Variants in MUC15 observed in about 807,000 individuals in gnomAD.
The protein encoded by MUC15 is mucin 15, cell surface associated.
MUC15 carries 23 observed loss-of-function variants against 24.0 expected under a neutral mutation model. The observed-to-expected ratio is 0.96, with a 90% CI of 0.69 to 1.36. The LOEUF (loss-of-function observed/expected upper bound fraction) is 1.36, where lower values mean the gene tolerates loss of function less well. Among genes scored for constraint, MUC15 ranks in the 40% most tolerant of loss-of-function variants. MUC15 has a pLI of 0.00. For synonymous variants in MUC15, 151 were observed against 156.3 expected (o/e 0.97, Z 0.25); for missense variants, 442 against 428.2 (o/e 1.03, Z -0.29).
chr11:26,563,861 T>A (rs1565107816), intron 3 of MUC15, among the ~76,000 whole-genome samples: 1 of 151,822 alleles, frequency 6.6e-6, no homozygotes, highest in Non-Finnish European at 1.5e-5. Context: ...TTACGGGAGT[T>A]CAAAATTTCA....
intron 1 of MUC15, among the ~76,000 whole-genome samples, chr11:26,567,442 G>T (rs1428052527): frequency 6.6e-6 from 1 of 151,774 alleles, no homozygotes; most frequent in Non-Finnish European, 1.5e-5. Flanking sequence ...CAGCCTTGTT[G>T]ATTTTTCATT....
rs745493725 is a variant in MUC15, at chr11:26,565,272, TC to T, written c.667del (p.Asp223IlefsTer19). 5 of 1,601,736 alleles carry T rather than the reference TC, an allele frequency of 3.1e-6. No individual in the cohort carries two copies. The East Asian group carries it at 9.0e-5, about 29-fold the overall frequency. On this transcript the variant is annotated frameshift_variant, in exon 3 of 5. Transcript: ENST00000529533. LOFTEE classifies it high-confidence loss of function. ...EPSGWLTTNS[D>X]SFTGFTPYQE... ...ATAAGGGGTAAACCCAGTGAAGCTA[TC>T]ACTGTTTGTGGTAAGCCATCCACTT...
Position 26,560,925 on chromosome 11 carries a change from G to T in MUC15, c.*140C>A. The T allele has an allele frequency of 1.2e-6, 1 of 801,680 alleles. No individual in the cohort carries two copies. Among genetic ancestry groups the T allele is most frequent in the Non-Finnish European group, 1.9e-6 (1 of 525,694 alleles). 49.7% of individuals were successfully genotyped at this position (801,680 alleles called of 1,614,324 possible). A position where few individuals can be genotyped will look rare whatever the true frequency, so the allele number is the denominator to read the frequency against. On this transcript the variant is annotated 3_prime_UTR_variant, in exon 5 of 5. Coordinates refer to ENST00000529533, the MANE Select transcript of MUC15 (RefSeq NM_001135091.2). ...GATGATACATCCTGTCTACATTTCT[G>T]CTACTGGTCTCCTGCTTTTATGATT...
intron 1 of MUC15, 147 bp from the exon 2 acceptor site, chr11:26,567,286 T>A (rs1176068021): frequency 2.1e-6 from 1 of 473,304 alleles, no homozygotes; most frequent in Non-Finnish European, 3.5e-6. Flanking sequence ...AGTACTGATT[T>A]CATGTTTTTG....
chr11:26,569,647 G>T (rs772815353), intron 1 of MUC15, among the ~76,000 whole-genome samples: 12 of 152,088 alleles, frequency 7.9e-5, no homozygotes, highest in Non-Finnish European at 1.2e-4. Flanking sequence ...ATGGAGGTGG[G>T]ACAGCAACTC....
rs61877023 is a variant in MUC15 at position 26,560,675 on chromosome 11, T to G, written c.*390A>C. On this transcript the variant is annotated 3_prime_UTR_variant, in exon 5 of 5. Coordinates refer to ENST00000529533, the MANE Select transcript of MUC15 (RefSeq NM_001135091.2). ...AAAATGCAATCTTGAATTATGGTAC[T>G]AGGGCTTCAGGCAGAGCAGTAAAGA... The G allele has an allele frequency of 0.015, 2,422 of 156,902 alleles. 48 individuals are homozygous for G. Among genetic ancestry groups the G allele is most frequent in the Non-Finnish European group, 0.019 (1,324 of 71,036 alleles). 9.7% of individuals were successfully genotyped at this position (156,902 alleles called of 1,614,324 possible).
chr11:26,570,974 A>G (rs537064161), intron 1 of MUC15, among the ~76,000 whole-genome samples: 2 of 152,220 alleles, frequency 1.3e-5, no homozygotes, highest in Non-Finnish European at 2.9e-5. Context: ...TGATGTAAAA[A>G]GAAAGAAAAA....
intron 3 of MUC15, 51 bp from the exon 4 acceptor site, chr11:26,563,316 C>T (rs757343636): frequency 7.2e-6 from 11 of 1,518,652 alleles, no homozygotes; most frequent in African/African-American, 2.9e-5. Flanking sequence ...TTCAAAGAAC[C>T]GAACTCTATG....
chr11:26,566,560 C>T (rs1348988663), intron 2 of MUC15, among the ~76,000 whole-genome samples: 1 of 151,640 alleles, frequency 6.6e-6, no homozygotes, highest in African/African-American at 2.4e-5. Flanking sequence ...CTACTTAATC[C>T]CAAACTGGGG....
At chr11:26,565,076 C>A in intron 3 of MUC15, 89 bp downstream of exon 3, 2 of 1,285,170 alleles carry the variant, frequency 1.6e-6, no homozygotes, top group Non-Finnish European at 1.0e-6. Context: ...TCTGTTTTTC[C>A]AGCATGGTGA....
Position 26,565,757 on chromosome 11 carries a change from G to T in MUC15, c.183C>A (p.Asn61Lys), listed in dbSNP as rs754565029. Residue 61 changes from asparagine to lysine, a missense_variant, in exon 3 of 5, where the codon AAC (asparagine) becomes AAA (lysine). By Grantham distance (94) the Asn-to-Lys change is moderately conservative. Coordinates refer to ENST00000529533, the MANE Select transcript of MUC15 (RefSeq NM_001135091.2). ...KENQDINTTQ[N>K]IAEVFKTMEN... is the part of the protein sequence containing the mutation. ...CCATTGTTTTAAAAACTTCTGCAAT[G>T]TTCTGTGTTGTGTTTATGTCTTGAT... 1 of 1,606,480 alleles carries T rather than the reference G, an allele frequency of 6.2e-7. No individual in the cohort carries two copies. Among genetic ancestry groups the T allele is most frequent in the Non-Finnish European group, 8.5e-7 (1 of 1,174,526 alleles).
chr11:26,571,391 AT>A (rs1195690805), intron 1 of MUC15, among the ~76,000 whole-genome samples: 1 of 152,112 alleles, frequency 6.6e-6, no homozygotes, highest in Non-Finnish European at 1.5e-5. Flanking sequence ...CCACATTTTC[AT>A]TTCATAGGAT....
chr11:26,559,638 T>C lies in MUC15; in HGVS notation c.*1427A>G, dbSNP rs1850202536. The C allele has an allele frequency of 2.1e-6, 2 of 942,476 alleles. No individual in the cohort carries two copies. The highest frequency in any genetic ancestry group is 3.5e-6 in the Non-Finnish European group (2 of 576,492). 58.4% of individuals were successfully genotyped at this position (942,476 alleles called of 1,614,324 possible). A position where few individuals can be genotyped will look rare whatever the true frequency, so the allele number is the denominator to read the frequency against. Reference sequence around the variant, plus strand: ...TATGATTCTATTTGAGAAAAAATCATAGTACCTGAGTGCAAACAGTATTCA... The same window carrying C: ...TATGATTCTATTTGAGAAAAAATCACAGTACCTGAGTGCAAACAGTATTCA... On this transcript the variant is annotated 3_prime_UTR_variant, in exon 5 of 5. Transcript: ENST00000529533.
chr11:26,568,858 CAT>C (rs2134280460), intron 1 of MUC15, among the ~76,000 whole-genome samples: 1 of 152,160 alleles, frequency 6.6e-6, no homozygotes, highest in African/African-American at 2.4e-5. Context: ...TCACAGCAAA[CAT>C]AATGCTCCTT....
chr11:26,571,971 T>C (rs1850845412), intron 1 of MUC15, 70 bp downstream of exon 1: 1 of 607,398 alleles, frequency 1.6e-6, no homozygotes, highest in Non-Finnish European at 2.1e-6. Context: ...TGGTAAATAA[T>C]CAAGGAAGAG....
intron 1 of MUC15, among the ~76,000 whole-genome samples, chr11:26,571,175 TAGAA>T (rs1005816865): frequency 3.3e-5 from 5 of 152,000 alleles, no homozygotes; most frequent in East Asian, 3.9e-4. Context: ...GTGTCAAGCT[TAGAA>T]AGAAAGAAAG....
At chr11:26,570,597 A>G (rs771369778) in intron 1 of MUC15, among the ~76,000 whole-genome samples, 25 of 152,126 alleles carry the variant, frequency 1.6e-4, no homozygotes, top group Non-Finnish European at 2.9e-4. Context: ...GGCATAATAT[A>G]AAAACATGTT....
At chr11:26,567,279 A>C (rs1850628096) in intron 1 of MUC15, 140 bp from the exon 2 acceptor site, 2 of 481,170 alleles carry the variant, frequency 4.2e-6, no homozygotes, top group East Asian at 6.8e-5. Flanking sequence ...AAATCTGAGT[A>C]CTGATTTCAT....
intron 1 of MUC15, among the ~76,000 whole-genome samples, chr11:26,570,232 G>A (rs979552496): frequency 5.3e-5 from 8 of 151,786 alleles, no homozygotes; most frequent in Non-Finnish European, 1.0e-4. Context: ...CACGACTTTC[G>A]CCTTCTTTGT....
Sources: gnomAD v4.1 joint callset for allele counts (sites outside exome capture counted in the v4.1 genomes callset) on GRCh38, gnomAD v4.1.1 for gene constraint, MANE v1.5 for transcripts, NCBI Gene and HGNC (gene_info 2026-07-23, HGNC 2026-07-21) for gene names.